Variants in RHBDD1 observed in about 807,000 individuals in gnomAD.
The protein encoded by RHBDD1 is rhomboid domain containing 1, also known as rhomboid-related protein 4.
RHBDD1 carries 38 observed loss-of-function variants against 36.3 expected under a neutral mutation model. That is an observed-to-expected ratio of 1.05 (90% confidence interval 0.81 to 1.37). RHBDD1 has a LOEUF of 1.37. Ranked by LOEUF, RHBDD1 falls within the 40% of genes most tolerant of loss-of-function variation. RHBDD1 has a pLI of 0.00. For synonymous variants in RHBDD1, 151 were observed against 136.5 expected, an observed-to-expected ratio of 1.11 and a Z score of -0.74; for missense variants, 393 against 377.6, an observed-to-expected ratio of 1.04 and a Z score of -0.34.
intron 8 of RHBDD1, among the ~76,000 whole-genome samples, chr2:226,934,306 G>A (rs1275322449): frequency 2.6e-5 from 4 of 152,114 alleles, no homozygotes; most frequent in African/African-American, 9.7e-5. Flanking sequence ...TATATGTGTA[G>A]TAGGCTATGC....
At chr2:226,897,359 T>C (rs1947189718) in intron 5 of RHBDD1, among the ~76,000 whole-genome samples, 1 of 152,166 alleles carries the variant, frequency 6.6e-6, no homozygotes, top group Non-Finnish European at 1.5e-5. Flanking sequence ...TCCTCCACTC[T>C]AGATTTTAAG....
At chr2:226,984,952 G>A (rs1436988047) in intron 8 of RHBDD1, among the ~76,000 whole-genome samples, 1 of 150,522 alleles carries the variant, frequency 6.6e-6, no homozygotes, top group African/African-American at 2.5e-5. Context: ...AGGAGGGGCA[G>A]AAGCAAAGAG....
chr2:226,872,645 C>T (rs1473491115), intron 5 of RHBDD1, among the ~76,000 whole-genome samples: 2 of 152,148 alleles, frequency 1.3e-5, no homozygotes, highest in African/African-American at 2.4e-5. Context: ...CAAATGTTGT[C>T]ATTGACCTTT....
chr2:226,876,680 T>C (rs1021188805), intron 5 of RHBDD1, among the ~76,000 whole-genome samples: 5 of 152,114 alleles, frequency 3.3e-5, no homozygotes, highest in Admixed American at 6.6e-5. Context: ...ATAAAACCCA[T>C]TTAGACTCTT....
At chr2:226,852,950 G>T (rs1942973964) in intron 3 of RHBDD1, among the ~76,000 whole-genome samples, 1 of 109,080 alleles carries the variant, frequency 9.2e-6, no homozygotes, top group African/African-American at 3.0e-5. Flanking sequence ...ATTATTATTT[G>T]TAGAGATGAG....
At chr2:226,975,366 A>G (rs141375241) in intron 8 of RHBDD1, among the ~76,000 whole-genome samples, 131 of 152,308 alleles carry the variant, frequency 8.6e-4, no homozygotes, top group Middle Eastern at 3.4e-3. Flanking sequence ...TTATTTGTCA[A>G]TTAGACCTCA....
intron 5 of RHBDD1, among the ~76,000 whole-genome samples, chr2:226,870,600 G>C (rs1944720802): frequency 6.6e-6 from 1 of 152,168 alleles, no homozygotes. Flanking sequence ...GCGCCCCCAT[G>C]TAGTTGAAAA....
chr2:226,992,550 G>A (rs1468374709), intron 8 of RHBDD1, among the ~76,000 whole-genome samples: 1 of 152,188 alleles, frequency 6.6e-6, no homozygotes, highest in East Asian at 1.9e-4. Context: ...GTTCTAGAAA[G>A]CCGAACCATG....
intron 5 of RHBDD1, among the ~76,000 whole-genome samples, chr2:226,881,515 A>G (rs557203550): frequency 3.9e-5 from 6 of 152,274 alleles, no homozygotes; most frequent in Admixed American, 2.0e-4. Context: ...TTACTACCTC[A>G]TCATTCAGAT....
At chr2:226,957,393 A>C (rs955580985) in intron 8 of RHBDD1, among the ~76,000 whole-genome samples, 2 of 152,198 alleles carry the variant, frequency 1.3e-5, no homozygotes, top group Non-Finnish European at 2.9e-5. Flanking sequence ...ATCAAAATTA[A>C]AAAATGTTTG....
chr2:226,889,603 T>C (rs1946519505), intron 5 of RHBDD1, among the ~76,000 whole-genome samples: 1 of 152,236 alleles, frequency 6.6e-6, no homozygotes, highest in African/African-American at 2.4e-5. Context: ...TTTCTCAAAG[T>C]GTTTTGTGGG....
At chr2:226,902,645 T>A (rs1295853986) in intron 5 of RHBDD1, among the ~76,000 whole-genome samples, 2 of 152,202 alleles carry the variant, frequency 1.3e-5, no homozygotes, top group South Asian at 4.1e-4. Context: ...CAGTTTTGAT[T>A]GAATAAGATC....
the RHBDD1 span, among the ~76,000 whole-genome samples, chr2:226,815,780 T>C: frequency 6.6e-6 from 1 of 152,226 alleles, no homozygotes; most frequent in African/African-American, 2.4e-5. Context: ...GTTTTAAAAT[T>C]CCAGTTCCTC....
intron 8 of RHBDD1, among the ~76,000 whole-genome samples, chr2:226,939,258 A>T (rs1950526378): frequency 6.6e-6 from 1 of 152,206 alleles, no homozygotes. Flanking sequence ...TATTCAACAT[A>T]GTATTGGAAG....
intron 5 of RHBDD1, among the ~76,000 whole-genome samples, chr2:226,874,168 A>G (rs1244734997): frequency 6.6e-6 from 1 of 152,146 alleles, no homozygotes; most frequent in Non-Finnish European, 1.5e-5. Context: ...TGAGGAGTAT[A>G]TTCAGATTAT....
intron 8 of RHBDD1, among the ~76,000 whole-genome samples, chr2:226,921,050 T>A (rs969739052): frequency 2.6e-5 from 4 of 152,152 alleles, no homozygotes; most frequent in Non-Finnish European, 5.9e-5. Flanking sequence ...TTTATTGGTT[T>A]GTTTAGGTTT....
the RHBDD1 span, among the ~76,000 whole-genome samples, chr2:226,824,021 C>T: frequency 6.6e-5 from 10 of 152,136 alleles, no homozygotes; most frequent in Non-Finnish European, 1.3e-4. Context: ...AACACAAGAC[C>T]TTTGGGGAAA....
intron 5 of RHBDD1, among the ~76,000 whole-genome samples, chr2:226,901,921 C>T (rs560890853): frequency 1.2e-4 from 18 of 152,138 alleles, no homozygotes; most frequent in Non-Finnish European, 2.5e-4. Flanking sequence ...AATTGAAATT[C>T]CACTCTTCCT....
intron 3 of RHBDD1, among the ~76,000 whole-genome samples, chr2:226,847,493 A>G (rs1395146292): frequency 2.6e-5 from 4 of 152,240 alleles, no homozygotes; most frequent in African/African-American, 7.2e-5. Context: ...TTTAGATGAC[A>G]TAAGACACAA....
Sources: allele counts gnomAD v4.1 joint callset (sites outside exome capture counted in the v4.1 genomes callset), GRCh38; gene constraint gnomAD v4.1.1; transcripts MANE v1.5; gene names NCBI Gene and HGNC (gene_info 2026-07-23, HGNC 2026-07-21).